Variants in EFNA5 observed in about 807,000 individuals in gnomAD.
The protein encoded by EFNA5 is ephrin A5, also known as ephrin-A5.
Under a neutral mutation model 22.9 loss-of-function variants are expected in EFNA5, and 5 were observed. The ratio of observed to expected loss-of-function variants is 0.22; its 90% confidence interval spans 0.11 to 0.46. The LOEUF (loss-of-function observed/expected upper bound fraction) is 0.46, where lower values mean the gene tolerates loss of function less well. Ranked by LOEUF, EFNA5 falls within the 20% of genes least tolerant of loss-of-function variation. EFNA5 has a pLI of 0.99. For missense variants in EFNA5, 237 were observed against 293.3 expected (o/e 0.81, Z 1.40); for synonymous variants, 113 against 112.2 (o/e 1.01, Z -0.04).
chr5:107,431,823 T>A (rs537448414), intron 1 of EFNA5, among the ~76,000 whole-genome samples: 1 of 152,330 alleles, frequency 6.6e-6, no homozygotes, highest in South Asian at 2.1e-4. Context: ...TGTTATCATA[T>A]GAAATCCTCG....
intron 1 of EFNA5, among the ~76,000 whole-genome samples, chr5:107,494,983 C>A (rs1746934910): frequency 6.6e-6 from 1 of 152,072 alleles, no homozygotes; most frequent in South Asian, 2.1e-4. Flanking sequence ...GTGTCTAGCT[C>A]AGGGATTGTA....
At chr5:107,666,832 T>C (rs564397238) in intron 1 of EFNA5, among the ~76,000 whole-genome samples, 1 of 152,258 alleles carries the variant, frequency 6.6e-6, no homozygotes, top group Admixed American at 6.5e-5. Context: ...ATATTCTTAT[T>C]AGAAGCACCA....
At position 107,670,823 on chromosome 5, in the gene EFNA5, G is replaced by A; in HGVS notation, c.-210C>T. The A allele has an allele frequency of 1.6e-6, 1 of 617,438 alleles. No individual in the cohort carries two copies. The allele number at this position is 617,438 out of a possible 1,614,324, so 38.2% of individuals were successfully genotyped here. ...GAAGAAAAGAAGGCGGTGGGATGGG[G>A]GGTGATAAAGACAAACTCGCACCCC... On this transcript the variant is annotated 5_prime_UTR_variant, in exon 1 of 5. Transcript: ENST00000333274.
chr5:107,380,593 G>T lies in EFNA5; in HGVS notation c.*662C>A. On this transcript the variant is annotated 3_prime_UTR_variant, in exon 5 of 5. Coordinates refer to ENST00000333274, the MANE Select transcript of EFNA5 (RefSeq NM_001962.3). ...ACCTGCCTCCTAGAAAAAAAAAAAA[G>T]GCTTCTTTTAGAGAGCACAAGTTTT... 1 of 345,986 alleles carries T rather than the reference G, an allele frequency of 2.9e-6. No homozygotes were observed. Among genetic ancestry groups the T allele is most frequent in the Non-Finnish European group, 5.1e-6 (1 of 196,162 alleles). 21.4% of individuals were successfully genotyped at this position (345,986 alleles called of 1,614,324 possible). A position where few individuals can be genotyped will look rare whatever the true frequency, so the allele number is the denominator to read the frequency against.
intron 1 of EFNA5, among the ~76,000 whole-genome samples, chr5:107,556,854 TG>T (rs1470168280): frequency 1.3e-5 from 2 of 151,952 alleles, no homozygotes; most frequent in Non-Finnish European, 2.9e-5. Flanking sequence ...CCTGAACAAA[TG>T]CCCTCATAAA....
chr5:107,421,535 C>T (rs1209636537), intron 2 of EFNA5, among the ~76,000 whole-genome samples: 2 of 152,108 alleles, frequency 1.3e-5, no homozygotes, highest in Non-Finnish European at 2.9e-5. Flanking sequence ...AAGGTCAACG[C>T]TTTGGGAAGA....
intron 1 of EFNA5, among the ~76,000 whole-genome samples, chr5:107,569,834 CAA>C (rs67306022): frequency 0.26 from 22,612 of 86,376 alleles, 1,927 homozygotes; most frequent in Middle Eastern, 0.31. Context: ...CCTGGGAGAC[CAA>C]AAAAAAAAAA....
At chr5:107,623,826 G>T (rs1388859557) in intron 1 of EFNA5, among the ~76,000 whole-genome samples, 4 of 151,936 alleles carry the variant, frequency 2.6e-5, no homozygotes, top group Non-Finnish European at 4.4e-5. Flanking sequence ...TGACAAGAAA[G>T]AAGTTTTGTG....
At chr5:107,606,531 C>T (rs1749727826) in intron 1 of EFNA5, among the ~76,000 whole-genome samples, 1 of 135,170 alleles carries the variant, frequency 7.4e-6, no homozygotes, top group African/African-American at 2.7e-5. Flanking sequence ...CACACACTTG[C>T]ACGTACAACA....
intron 1 of EFNA5, among the ~76,000 whole-genome samples, chr5:107,457,430 C>T (rs1389641995): frequency 6.6e-6 from 1 of 152,080 alleles, no homozygotes; most frequent in Non-Finnish European, 1.5e-5. Flanking sequence ...TTGCATATAA[C>T]CTATGCACAT....
intron 1 of EFNA5, among the ~76,000 whole-genome samples, chr5:107,624,492 G>A (rs1442752039): frequency 6.6e-6 from 1 of 152,066 alleles, no homozygotes; most frequent in African/African-American, 2.4e-5. Context: ...CTAAAAGATT[G>A]TTTTTTTCCT....
intron 1 of EFNA5, among the ~76,000 whole-genome samples, chr5:107,599,275 A>G (rs1749538261): frequency 6.6e-6 from 1 of 152,236 alleles, no homozygotes; most frequent in Non-Finnish European, 1.5e-5. Context: ...AGTGGTAGGA[A>G]GTTGTAAAGA....
At chr5:107,638,750 C>T (rs1289234114) in intron 1 of EFNA5, among the ~76,000 whole-genome samples, 1 of 152,078 alleles carries the variant, frequency 6.6e-6, no homozygotes, top group Non-Finnish European at 1.5e-5. Flanking sequence ...AAACAATCCT[C>T]CACGGATACC....
chr5:107,438,865 C>T lies in EFNA5; in HGVS notation c.126-11356G>A, dbSNP rs538761802. Among the ~76,000 whole-genome samples the T allele has an allele frequency of 3.6e-3, 549 of 152,314 alleles. 2 individuals are homozygous for T. The highest frequency in any genetic ancestry group is 5.5e-3 in the Non-Finnish European group (373 of 68,022). ...GCAAACAGGTATTTTATATTCTTCA[C>T]TTGGCTTTATCCTGGAACTTTTGAG... On this transcript the variant is annotated intron_variant, in intron 1 of 4. Coordinates refer to ENST00000333274, the MANE Select transcript of EFNA5 (RefSeq NM_001962.3).
chr5:107,573,804 A>T (rs1748866132), intron 1 of EFNA5, among the ~76,000 whole-genome samples: 1 of 152,190 alleles, frequency 6.6e-6, no homozygotes, highest in South Asian at 2.1e-4. Context: ...ACAGTTTTAG[A>T]ACGAACAAAA....
intron 1 of EFNA5, among the ~76,000 whole-genome samples, chr5:107,484,442 G>T (rs1347674747): frequency 6.6e-6 from 1 of 152,162 alleles, no homozygotes; most frequent in East Asian, 1.9e-4. Flanking sequence ...TAACATGGAA[G>T]ATTTAAATGG....
chr5:107,421,065 C>A (rs1188644017), intron 2 of EFNA5, among the ~76,000 whole-genome samples: 2 of 152,168 alleles, frequency 1.3e-5, no homozygotes, highest in African/African-American at 2.4e-5. Context: ...CTGTATTGTA[C>A]AATCAAATGA....
intron 1 of EFNA5, among the ~76,000 whole-genome samples, chr5:107,613,848 T>C (rs1561449726): frequency 6.6e-6 from 1 of 152,108 alleles, no homozygotes; most frequent in Non-Finnish European, 1.5e-5. Flanking sequence ...AGAATGATTA[T>C]CAGATAAACC....
At chr5:107,491,086 ATGTGT>A (rs1561410188) in intron 1 of EFNA5, among the ~76,000 whole-genome samples, 1 of 152,326 alleles carries the variant, frequency 6.6e-6, no homozygotes, top group East Asian at 1.9e-4. Flanking sequence ...TAGAGAGCAC[ATGTGT>A]TATCAGAATT....
Sources: gnomAD v4.1 joint callset for allele counts (sites outside exome capture counted in the v4.1 genomes callset) on GRCh38, gnomAD v4.1.1 for gene constraint, MANE v1.5 for transcripts, NCBI Gene and HGNC (gene_info 2026-07-23, HGNC 2026-07-21) for gene names.